DUSP19: variants seen among roughly 807,000 people sequenced by gnomAD.
The protein encoded by DUSP19 is dual specificity phosphatase 19, also known as dual specificity protein phosphatase 19.
Under a neutral mutation model 16.6 loss-of-function variants are expected in DUSP19, and 14 were observed. The observed-to-expected ratio is 0.84, with a 90% CI of 0.56 to 1.32. The LOEUF (loss-of-function observed/expected upper bound fraction) is 1.32, where lower values mean the gene tolerates loss of function less well. Ranked by LOEUF, DUSP19 falls within the 40% of genes most tolerant of loss-of-function variation. DUSP19 has a pLI of 0.00. For missense variants in DUSP19, 258 were observed against 255.9 expected (o/e 1.01, Z -0.06); for synonymous variants, 81 against 90.5 (o/e 0.90, Z 0.59).
At chr2:183,084,374 C>T (rs1447387311) in intron 2 of DUSP19, among the ~76,000 whole-genome samples, 1 of 151,330 alleles carries the variant, frequency 6.6e-6, no homozygotes, top group Non-Finnish European at 1.5e-5. Context: ...TTACAGTGTG[C>T]TATGATTTTG....
intron 3 of DUSP19, 75 bp from the exon 4 acceptor site, chr2:183,095,356 A>AT (rs1699783945): frequency 1.7e-6 from 2 of 1,175,718 alleles, no homozygotes; most frequent in Admixed American, 4.3e-5. Context: ...TTCAAGTAGT[A>AT]TAAGAATGTG....
In DUSP19 at chr2:183,079,179, A is replaced by G. The variant is rs1553521536; in HGVS notation, c.226+20A>G. 1 of 1,604,010 alleles carries G rather than the reference A, an allele frequency of 6.2e-7. No homozygotes were observed. The highest frequency in any genetic ancestry group is 1.7e-5 in the Admixed American group (1 of 59,336). On this transcript the variant is annotated intron_variant, in intron 1 of 3. Transcript: ENST00000354221. ...TCCTAGGTGAGTATATCGACTTGCCACTAGATCATTGAGTCCTTTTAGCCA... is the reference window on the plus strand; with the variant it reads ...TCCTAGGTGAGTATATCGACTTGCCGCTAGATCATTGAGTCCTTTTAGCCA...
chr2:183,091,991 C>T (rs910681142), intron 3 of DUSP19, among the ~76,000 whole-genome samples: 12 of 152,136 alleles, frequency 7.9e-5, no homozygotes, highest in Non-Finnish European at 8.8e-5. Flanking sequence ...GTGGACTGTT[C>T]TGACCTGTGC....
At chr2:183,082,967 C>A (rs1485295861) in intron 1 of DUSP19, among the ~76,000 whole-genome samples, 1 of 151,040 alleles carries the variant, frequency 6.6e-6, no homozygotes, top group Admixed American at 6.6e-5. Flanking sequence ...AGTGGCATAA[C>A]CATAGCTTAC....
Position 183,089,586 on chromosome 2 carries a change from G to GCTC in DUSP19, c.426+2397_426+2399dup, listed in dbSNP as rs201094343. ...ATACTGTGGACACCATGGAAGAAGAGCTCCTTCTTTGACAGGCAAAAGTGA... is the reference window on the plus strand; with the variant it reads ...ATACTGTGGACACCATGGAAGAAGAGCTCCTCCTTCTTTGACAGGCAAAAGTGA... On this transcript the variant is annotated intron_variant, in intron 3 of 3. Transcript: ENST00000354221. Among the ~76,000 whole-genome samples, 1,513 of 152,232 alleles carry GCTC rather than the reference G, an allele frequency of 9.9e-3. 26 individuals carry two copies. The highest frequency in any genetic ancestry group is 0.034 in the African/African-American group (1,392 of 41,532).
chr2:183,097,245 T>A lies in DUSP19; in HGVS notation c.*1587T>A, dbSNP rs1357462282. The A allele has an allele frequency of 6.6e-6, 1 of 152,274 alleles. No homozygotes were observed. The highest frequency in any genetic ancestry group is 1.5e-5 in the Non-Finnish European group (1 of 68,182). 9.4% of individuals were successfully genotyped at this position (152,274 alleles called of 1,614,324 possible). ...AGTCTTGCCATGTTGCCCAGGCTGA[T>A]CTCAAACTCCTAGGCTTAAGTGATC... On this transcript the variant is annotated 3_prime_UTR_variant, in exon 4 of 4. Transcript: ENST00000354221.
At chr2:183,092,766 T>C (rs1699749207) in intron 3 of DUSP19, among the ~76,000 whole-genome samples, 1 of 148,034 alleles carries the variant, frequency 6.8e-6, no homozygotes, top group African/African-American at 2.5e-5. Flanking sequence ...TGCAGTGGCA[T>C]GATCTCAGCT....
intron 1 of DUSP19, among the ~76,000 whole-genome samples, chr2:183,083,242 A>G (rs1055329478): frequency 2.0e-5 from 3 of 152,012 alleles, no homozygotes; most frequent in Non-Finnish European, 4.4e-5. Context: ...TGTTTTGTTT[A>G]TATTACAAAC....
intron 1 of DUSP19, among the ~76,000 whole-genome samples, chr2:183,079,361 A>G (rs1699562804): frequency 1.3e-5 from 2 of 152,180 alleles, no homozygotes; most frequent in South Asian, 2.1e-4. Context: ...CATAGATGCT[A>G]TTCTCGTAGC....
At chr2:183,087,877 T>C (rs1699682431) in intron 3 of DUSP19, among the ~76,000 whole-genome samples, 1 of 152,204 alleles carries the variant, frequency 6.6e-6, no homozygotes, top group Non-Finnish European at 1.5e-5. Flanking sequence ...TTATCTTTTC[T>C]CCTTCCCATT....
chr2:183,087,103 A>C lies in DUSP19; in HGVS notation c.337A>C (p.Lys113Gln). 6.2e-7 allele frequency: 1 copy of C among 1,613,280 alleles called. No individual in the cohort carries two copies. The highest frequency in any genetic ancestry group is 8.5e-7 in the Non-Finnish European group (1 of 1,179,756). ...TGCTTTCCTCAGTGACTTTACATAT[A>C]AGAGCATTTCTATATTGGATCTGCC... ...ENAFLSDFTY[K>Q]SISILDLPET... is the part of the protein sequence containing the mutation. Residue 113 changes from lysine to glutamine, a missense_variant, in exon 3 of 4, where the codon AAG becomes CAG. Coordinates refer to ENST00000354221, the MANE Select transcript of DUSP19 (RefSeq NM_080876.4).
rs1369828926 is a variant in DUSP19 at position 183,084,764 on chromosome 2, C to T, written c.273+1210C>T. Among the ~76,000 whole-genome samples, 25 of 151,988 alleles carry T rather than the reference C, an allele frequency of 1.6e-4. 1 individual carries two copies. The highest frequency in any genetic ancestry group is 1.6e-3 in the Admixed American group (25 of 15,248). ...GTGGAAAATCGATTGGAGGGTTGCT[C>T]AAGTTAGAGATGGGGGAAACTGGTT... On this transcript the variant is annotated intron_variant, in intron 2 of 3. Coordinates refer to ENST00000354221, the MANE Select transcript of DUSP19 (RefSeq NM_080876.4).
At chr2:183,082,419 C>CTTTTTTT (rs71008260) in intron 1 of DUSP19, among the ~76,000 whole-genome samples, 139 of 84,834 alleles carry the variant, frequency 1.6e-3, no homozygotes, top group African/African-American at 2.0e-3. Context: ...GAACATTTTT[C>CTTTTTTT]TTTTTTTTTT....
At chr2:183,081,360 C>T (rs1351209393) in intron 1 of DUSP19, among the ~76,000 whole-genome samples, 1 of 152,194 alleles carries the variant, frequency 6.6e-6, no homozygotes, top group African/African-American at 2.4e-5. Flanking sequence ...ATCGTCCCAC[C>T]TCAGCCTCTG....
chr2:183,093,064 T>C (rs911732346), intron 3 of DUSP19, among the ~76,000 whole-genome samples: 3 of 152,150 alleles, frequency 2.0e-5, no homozygotes, highest in Non-Finnish European at 2.9e-5. Context: ...TCAGTTACTG[T>C]TAACAACTAT....
rs1200767702 is a variant in DUSP19 at position 183,096,770 on chromosome 2, T to G, written c.*1112T>G. ...CATTGTTTAGTGGTCTGTTTTCTAC[T>G]TCAGTATTCTACCAGAGAACATATT... On this transcript the variant is annotated 3_prime_UTR_variant, in exon 4 of 4. Transcript: ENST00000354221. 3 of 152,370 alleles carry G rather than the reference T, an allele frequency of 2.0e-5. No homozygotes were observed. Among genetic ancestry groups the G allele is most frequent in the African/African-American group, 7.2e-5 (3 of 41,428 alleles). 9.4% of individuals were successfully genotyped at this position (152,370 alleles called of 1,614,324 possible). A position where few individuals can be genotyped will look rare whatever the true frequency, so the allele number is the denominator to read the frequency against.
At chr2:183,082,577 C>G (rs970913316) in intron 1 of DUSP19, among the ~76,000 whole-genome samples, 2 of 151,884 alleles carry the variant, frequency 1.3e-5, no homozygotes, top group Non-Finnish European at 2.9e-5. Context: ...GCATGCACCA[C>G]CATGCCCAGC....
rs745637712 is a variant in DUSP19 at position 183,079,062 on chromosome 2, GGAA to G, written c.134_136del (p.Glu45del). 65 of 1,614,030 alleles carry G rather than the reference GGAA, an allele frequency of 4.0e-5. No individual in the cohort carries two copies. In the East Asian group the frequency reaches 1.3e-3, roughly 32 times the overall value. The stretch of plus-strand genomic sequence containing the variant: ...GGAAAGATGCCAGAATTCATGTTGT[GGAA>G]GAAGTAGAGCCGAGCAGTGGGGGTG... On this transcript the variant is annotated inframe_deletion, in exon 1 of 4. Coordinates refer to ENST00000354221, the MANE Select transcript of DUSP19 (RefSeq NM_080876.4).
intron 3 of DUSP19, among the ~76,000 whole-genome samples, chr2:183,090,622 C>T (rs991083793): frequency 6.6e-6 from 1 of 152,162 alleles, no homozygotes; most frequent in African/African-American, 2.4e-5. Context: ...GCATTGTTAG[C>T]ATTTTGATAT....
Sources: allele counts gnomAD v4.1 joint callset (sites outside exome capture counted in the v4.1 genomes callset), GRCh38; gene constraint gnomAD v4.1.1; transcripts MANE v1.5; gene names NCBI Gene and HGNC (gene_info 2026-07-23, HGNC 2026-07-21).